The following NEK1 variants were observed in gnomAD, a reference collection of about 807,000 sequenced individuals.
NEK1 encodes serine/threonine-protein kinase Nek1.
In NEK1, 137 loss-of-function variants were observed where a neutral mutation model predicts 182.1. That is an observed-to-expected ratio of 0.75 (90% CI 0.65 to 0.87). NEK1 has a LOEUF of 0.87. NEK1 is among the 40% of genes least tolerant of loss of function. NEK1 has a pLI of 0.00. For missense variants in NEK1, 1,391 were observed against 1,494.4 expected (o/e 0.93, Z 1.14); for synonymous variants, 513 against 492.2 (o/e 1.04, Z -0.56).
chr4:169,415,425 G>A (rs1024541660), intron 31 of NEK1, among the ~76,000 whole-genome samples: 1 of 152,144 alleles, frequency 6.6e-6, no homozygotes, highest in African/African-American at 2.4e-5. Context: ...TTATTCCCCT[G>A]AACAATTTAT....
intron 27 of NEK1, among the ~76,000 whole-genome samples, chr4:169,462,232 G>T (rs373509150): frequency 1.3e-5 from 2 of 151,950 alleles, no homozygotes; most frequent in Admixed American, 6.6e-5. Flanking sequence ...AAAAATGTTA[G>T]AGCCTGAAGG....
At chr4:169,444,609 A>G (rs1215060952) in intron 27 of NEK1, among the ~76,000 whole-genome samples, 1 of 152,210 alleles carries the variant, frequency 6.6e-6, no homozygotes, top group Non-Finnish European at 1.5e-5. Flanking sequence ...ACCCCTAGAT[A>G]TATAAAGCAA....
rs147171101 is a variant in NEK1 at position 169,530,601 on chromosome 4, T to C, written c.1665+7208A>G. ...TTGACTAAATATTTTCAATTTACAATAGTTTATCAAAATGTAACCCCATCG... is the reference window on the plus strand; with the variant it reads ...TTGACTAAATATTTTCAATTTACAACAGTTTATCAAAATGTAACCCCATCG... On this transcript the variant is annotated intron_variant, in intron 19 of 35. Transcript: ENST00000507142. 4.8e-3 allele frequency among the ~76,000 whole-genome samples: 731 copies of C among 152,064 alleles called. 7 individuals carry two copies. Among genetic ancestry groups the C allele is most frequent in the African/African-American group, 0.015 (613 of 41,516 alleles).
intron 10 of NEK1, among the ~76,000 whole-genome samples, chr4:169,581,820 ATTTAC>A (rs1389341711): frequency 6.6e-6 from 1 of 152,138 alleles, no homozygotes; most frequent in Admixed American, 6.5e-5. Context: ...AGTTATTTTA[ATTTAC>A]TCTGAATCCT....
intron 23 of NEK1, among the ~76,000 whole-genome samples, chr4:169,490,865 C>T (rs147392343): frequency 0.034 from 5,208 of 152,032 alleles, 327 homozygotes; most frequent in African/African-American, 0.12. Flanking sequence ...GAGATGAGGC[C>T]GGGCATGGTG....
Position 169,477,499 on chromosome 4 carries a change from T to A in NEK1, c.2140-2A>T, listed in dbSNP as rs1747184183. 1 of 1,597,804 alleles carries A rather than the reference T, an allele frequency of 6.3e-7. No individual in the cohort carries two copies. The highest frequency in any genetic ancestry group is 1.1e-5 in the South Asian group (1 of 88,426). ...CCGGGTATCAGTTAAACTACTGTCC[T>A]TTAAATGCAGATAGATACAGAGGAA... On this transcript the variant is annotated splice_acceptor_variant, in intron 24 of 35. Transcript: ENST00000507142. LOFTEE classifies it high-confidence loss of function.
intron 26 of NEK1, among the ~76,000 whole-genome samples, chr4:169,468,558 G>A (rs1745345484): frequency 6.6e-6 from 1 of 152,130 alleles, no homozygotes; most frequent in African/African-American, 2.4e-5. Context: ...ACCAATGTCT[G>A]CAATTTACTC....
At chr4:169,402,019 A>C (rs1388573163) in intron 32 of NEK1, among the ~76,000 whole-genome samples, 159 bp from the exon 33 acceptor site, 1 of 152,238 alleles carries the variant, frequency 6.6e-6, no homozygotes, top group African/African-American at 2.4e-5. Flanking sequence ...GAAAAAGCCT[A>C]CATTGTTTTT....
chr4:169,407,883 C>T (rs908466550), intron 31 of NEK1, among the ~76,000 whole-genome samples: 1 of 152,146 alleles, frequency 6.6e-6, no homozygotes, highest in Non-Finnish European at 1.5e-5. Flanking sequence ...ATTATTTGAA[C>T]ATAATTTAAA....
At position 169,580,915 on chromosome 4, in the gene NEK1, G is replaced by T. The variant is rs1181223143; in HGVS notation, c.808-13C>A. 1 of 1,448,968 alleles carries T rather than the reference G, an allele frequency of 6.9e-7. No homozygotes were observed. The highest frequency in any genetic ancestry group is 2.5e-5 in the East Asian group (1 of 39,356). 89.8% of individuals were successfully genotyped at this position (1,448,968 alleles called of 1,614,324 possible). ...CTTCTGCAATAAGCTGAGATTGAAA[G>T]AGAAAAAAATTAGAAAAGATGTTAC... On this transcript the variant is annotated splice_polypyrimidine_tract_variant and intron_variant, in intron 10 of 35. Transcript: ENST00000507142.
intron 27 of NEK1, among the ~76,000 whole-genome samples, chr4:169,452,676 A>C (rs1579768688): frequency 6.6e-6 from 1 of 152,178 alleles, no homozygotes; most frequent in East Asian, 1.9e-4. Context: ...AAATAATAAG[A>C]ACTATTTATG....
At chr4:169,429,644 G>A (rs1391882004) in intron 29 of NEK1, among the ~76,000 whole-genome samples, 2 of 152,094 alleles carry the variant, frequency 1.3e-5, no homozygotes, top group Non-Finnish European at 2.9e-5. Context: ...GGAGGAGTAA[G>A]TATCTGACTA....
At chr4:169,464,403 G>C (rs1184806811) in intron 26 of NEK1, among the ~76,000 whole-genome samples, 1 of 152,170 alleles carries the variant, frequency 6.6e-6, no homozygotes, top group Non-Finnish European at 1.5e-5. Flanking sequence ...AAAGGGATCT[G>C]AAGGGATGAG....
At chr4:169,456,249 C>G (rs6820193) in intron 27 of NEK1, among the ~76,000 whole-genome samples, 10,875 of 152,072 alleles carry the variant, frequency 0.072, 1,272 homozygotes, top group African/African-American at 0.25. Flanking sequence ...CTATCGGTCC[C>G]TACACCAAAA....
chr4:169,590,524 G>C (rs1051006398), intron 6 of NEK1, among the ~76,000 whole-genome samples: 17 of 152,046 alleles, frequency 1.1e-4, no homozygotes, highest in African/African-American at 3.6e-4. Context: ...GTAAGTTTCA[G>C]AGACTGGGAA....
intron 27 of NEK1, among the ~76,000 whole-genome samples, chr4:169,445,654 A>ATAT (rs1740356632): frequency 6.6e-6 from 1 of 151,910 alleles, no homozygotes; most frequent in South Asian, 2.1e-4. Context: ...GAAAATAATA[A>ATAT]GATGATGAGG....
intron 31 of NEK1, among the ~76,000 whole-genome samples, chr4:169,412,187 C>CA (rs1364776159): frequency 6.6e-6 from 1 of 152,156 alleles, no homozygotes; most frequent in African/African-American, 2.4e-5. Context: ...TAGCTTGACT[C>CA]AGAGTGAGAA....
intron 23 of NEK1, among the ~76,000 whole-genome samples, chr4:169,484,478 C>T (rs191952308): frequency 7.2e-5 from 11 of 151,978 alleles, no homozygotes; most frequent in Admixed American, 7.2e-4. Flanking sequence ...ATAATGATAT[C>T]CAAAATGAAT....
intron 26 of NEK1, among the ~76,000 whole-genome samples, chr4:169,475,709 C>T (rs371769327): frequency 2.0e-5 from 3 of 152,156 alleles, no homozygotes; most frequent in South Asian, 4.1e-4. Context: ...AAAATTTTCA[C>T]AACTGTATTC....
Sources: gnomAD v4.1 joint callset for allele counts (sites outside exome capture counted in the v4.1 genomes callset) on GRCh38, gnomAD v4.1.1 for gene constraint, MANE v1.5 for transcripts, NCBI Gene and HGNC (gene_info 2026-07-23, HGNC 2026-07-21) for gene names.